Variants in DSP observed in about 807,000 individuals in gnomAD.
DSP encodes 250/210 kDa paraneoplastic pemphigus antigen.
A neutral mutation model predicts 290.6 loss-of-function variants in DSP; 114 were observed. The observed-to-expected ratio is 0.39, with a 90% CI of 0.34 to 0.46. The LOEUF (loss-of-function observed/expected upper bound fraction) is 0.46, where lower values mean the gene tolerates loss of function less well. Among genes scored for constraint, DSP ranks in the 20% least tolerant of loss-of-function variants. The pLI is 0.99. For missense variants in DSP, 3,230 were observed against 3,495.8 expected (o/e 0.92, Z 1.92); for synonymous variants, 1,311 against 1,316.4 (o/e 1.00, Z 0.09).
At chr6:7,575,569 C>G in intron 18 of DSP, 81 bp downstream of exon 18, 6 of 1,550,592 alleles carry the variant, frequency 3.9e-6, no homozygotes, top group Admixed American at 1.7e-5. Flanking sequence ...AAGGGAACCA[C>G]TGAAGAAAAC....
chr6:7,569,239 C>G lies in DSP; in HGVS notation c.1473C>G (p.Ser491Arg). 2 of 1,614,170 alleles carry G rather than the reference C, an allele frequency of 1.2e-6. No individual in the cohort carries two copies. The highest frequency in any genetic ancestry group is 1.7e-6 in the Non-Finnish European group (2 of 1,180,034). The change falls in exon 12 of 24, where the codon AGC becomes AGG. Residue 491 changes from serine to arginine, a missense_variant. By Grantham distance (110) the Ser-to-Arg change is moderately radical (BLOSUM62 -1). Around this residue, in one of 5 missense-constraint regions of DSP, gnomAD observed 646 missense variants for 684.3 expected, o/e 0.94. Transcript: ENST00000379802. ...ECILKDNNER[S>R]KWYVTGPGGV... is the part of the protein sequence containing the mutation. ...TCCTGAAGGACAACAACGAGCGCAG[C>G]AAGTGGTACGTGACGGGCCCGGGAG...
At position 7,585,529 on chromosome 6, in the gene DSP, T is replaced by A; in HGVS notation, c.8267T>A (p.Ile2756Lys). ...GAAGAAGCCATCCGGAAGGGGTTCATAGATGGCCGCGCCGCACAGAGGCTG... is the reference window on the plus strand; with the variant it reads ...GAAGAAGCCATCCGGAAGGGGTTCAAAGATGGCCGCGCCGCACAGAGGCTG... The part of the protein sequence containing the change: ...STEEAIRKGF[I>K]DGRAAQRLQD... Residue 2756 changes from isoleucine to lysine, a missense_variant, in exon 24 of 24, where the codon ATA becomes AAA. Ile to Lys is a moderately radical substitution (Grantham distance 102). Around this residue, in one of 5 missense-constraint regions of DSP, gnomAD observed 582 missense variants for 555.4 expected, o/e 1.05. Coordinates refer to ENST00000379802, the MANE Select transcript of DSP (RefSeq NM_004415.4). The A allele has an allele frequency of 6.2e-7, 1 of 1,614,158 alleles. No individual in the cohort carries two copies. The highest frequency in any genetic ancestry group is 8.5e-7 in the Non-Finnish European group (1 of 1,180,036).
At position 7,585,330 on chromosome 6, in the gene DSP, C is replaced by A. The variant is rs786204300; in HGVS notation, c.8068C>A (p.Pro2690Thr). The A allele has an allele frequency of 3.1e-6, 5 of 1,614,104 alleles. No individual in the cohort carries two copies. Among genetic ancestry groups the A allele is most frequent in the Non-Finnish European group, 4.2e-6 (5 of 1,180,026 alleles). The part of the protein sequence containing the change: ...IDQDMATRLK[P>T]AQKAFIGFEG... ...CCAAGACATGGCCACCAGGCTGAAG[C>A]CTGCTCAGAAAGCCTTCATAGGCTT... Residue 2690 changes from proline (P) to threonine (T), a missense_variant, in exon 24 of 24, where the codon CCT becomes ACT. Physicochemically the swap from Pro to Thr is conservative, Grantham distance 38. Transcript: ENST00000379802.
chr6:7,571,869 G>T lies in DSP; in HGVS notation c.1931G>T (p.Gly644Val). The T allele has an allele frequency of 6.2e-7, 1 of 1,613,376 alleles. No individual in the cohort carries two copies. The highest frequency in any genetic ancestry group is 8.5e-7 in the Non-Finnish European group (1 of 1,180,006). The change falls in exon 15 of 24, where the codon GGA (glycine) becomes GTA (valine). Residue 644 changes from glycine to valine, a missense_variant. Coordinates refer to ENST00000379802, the MANE Select transcript of DSP (RefSeq NM_004415.4). Reference protein sequence around the residue: ...TVTTTEITHHGTCQDVNHNKV... With the variant: ...TVTTTEITHHVTCQDVNHNKV... ...ACCACAACTGAAATCACTCATCATG[G>T]AACCTGCCAAGATGTCAACCATAAT...
In DSP at chr6:7,580,388, C is replaced by T. The variant is rs770873593; in HGVS notation, c.4198C>T (p.Arg1400Ter). Residue 1400 changes from arginine (R) to a stop codon, truncating the protein, a stop_gained, in exon 23 of 24, where the codon CGA (arginine) becomes TGA (stop). Coordinates refer to ENST00000379802, the MANE Select transcript of DSP (RefSeq NM_004415.4). LOFTEE classifies it high-confidence loss of function. This position sits in a 1 kb window ranked among gnomAD's most constrained non-coding sequence, Gnocchi z 4.2. ...CCGGGCTCAGATAGACAATCTCACC[C>T]GAGAAAACAGGAGCTTATCTGAAGA... The part of the protein sequence containing the change: ...GYRAQIDNLT[R>*]ENRSLSEEIK... 8 of 1,613,868 alleles carry T rather than the reference C, an allele frequency of 5.0e-6. No homozygotes were observed. Among genetic ancestry groups the T allele is most frequent in the African/African-American group, 2.7e-5 (2 of 74,864 alleles).
chr6:7,579,145 C>T lies in DSP; in HGVS notation c.3085-130C>T, dbSNP rs1759335029. The T allele has an allele frequency of 7.6e-7, 1 of 1,310,008 alleles. No individual in the cohort carries two copies. The highest frequency in any genetic ancestry group is 1.5e-5 in the African/African-American group (1 of 67,720). 81.1% of individuals were successfully genotyped at this position (1,310,008 alleles called of 1,614,324 possible). A position where few individuals can be genotyped will look rare whatever the true frequency, so the allele number is the denominator to read the frequency against. ...TTTCTTGAATATTTGCCTAGTCACT[C>T]TTTGCATGTATGTCCATGTGTGTAA... On this transcript the variant is annotated intron_variant, in intron 22 of 23. Coordinates refer to ENST00000379802, the MANE Select transcript of DSP (RefSeq NM_004415.4). The surrounding 1 kb of genome is among the most constrained non-coding windows in gnomAD (Gnocchi z 4.1).
chr6:7,568,150 C>T (rs1407267033), intron 10 of DSP, among the ~76,000 whole-genome samples: 1 of 152,226 alleles, frequency 6.6e-6, no homozygotes, highest in African/African-American at 2.4e-5. Context: ...GAGAACATTA[C>T]TTCACATGAC....
intron 1 of DSP, 51 bp from the exon 2 acceptor site, chr6:7,555,667 G>A: frequency 6.5e-7 from 1 of 1,545,508 alleles, no homozygotes; most frequent in Non-Finnish European, 8.9e-7. Context: ...AATTATTTCA[G>A]AATTGAAATA....
Position 7,581,506 on chromosome 6 carries a change from T to C in DSP, c.5316T>C (p.Asp1772=), listed in dbSNP as rs376186141. ...TGGAACTGCAGGGGCTGATTAATGA[T>C]TTACAGAGAGAGAGGGAAAATTTGA... The part of the protein sequence containing the change: ...RTLELQGLIN[D]LQRERENLRQ... The change falls in exon 23 of 24, where the codon GAT becomes GAC. Residue 1772 remains aspartate, a synonymous_variant. Coordinates refer to ENST00000379802, the MANE Select transcript of DSP (RefSeq NM_004415.4). The C allele has an allele frequency of 2.1e-4, 346 of 1,613,946 alleles. No homozygotes were observed. The highest frequency in any genetic ancestry group is 2.8e-4 in the Non-Finnish European group (326 of 1,180,016).
At chr6:7,548,851 T>G (rs1458658941) in intron 1 of DSP, among the ~76,000 whole-genome samples, 1 of 152,224 alleles carries the variant, frequency 6.6e-6, no homozygotes, top group Non-Finnish European at 1.5e-5. Flanking sequence ...GTCTTTTGTT[T>G]GCCTTTGTTT....
intron 15 of DSP, among the ~76,000 whole-genome samples, chr6:7,573,564 C>T (rs1339759183): frequency 5.4e-5 from 8 of 149,202 alleles, no homozygotes; most frequent in East Asian, 3.9e-4. Flanking sequence ...GGCGACAGAG[C>T]GAGACTCTGT....
intron 1 of DSP, among the ~76,000 whole-genome samples, chr6:7,544,100 C>T (rs1456427691): frequency 6.6e-6 from 1 of 152,154 alleles, no homozygotes; most frequent in Non-Finnish European, 1.5e-5. Flanking sequence ...TAATGTTGCT[C>T]TGCCCGGCAG....
At chr6:7,571,691 G>A in intron 14 of DSP, 107 bp downstream of exon 14, 9 of 1,508,390 alleles carry the variant, frequency 6.0e-6, no homozygotes, top group Non-Finnish European at 8.3e-6. Flanking sequence ...ATGCTATATA[G>A]CCAGTGTTCT....
Position 7,565,017 on chromosome 6 carries a change from G to T in DSP, c.778-342G>T, listed in dbSNP as rs900929403. ...AAATTAGCAGGACGTGGTGGTGCAT[G>T]TCTGTAATCCCACCTACTCGGGAAG... On this transcript the variant is annotated intron_variant, in intron 6 of 23. Transcript: ENST00000379802. This position sits in a 1 kb window ranked among gnomAD's most constrained non-coding sequence, Gnocchi z 4.2. 2.0e-5 allele frequency among the ~76,000 whole-genome samples: 3 copies of T among 152,122 alleles called. No individual in the cohort carries two copies. The highest frequency in any genetic ancestry group is 6.5e-5 in the Admixed American group (1 of 15,276).
rs969462343 is a variant in DSP, at chr6:7,574,189, A to G, written c.2234A>G (p.Glu745Gly). 6.8e-6 allele frequency: 11 copies of G among 1,613,954 alleles called. No homozygotes were observed. The highest frequency in any genetic ancestry group is 9.3e-6 in the Non-Finnish European group (11 of 1,179,944). ...GSEKYCYLQN[E>G]VFGLFQKLEN... Reference sequence around the variant, plus strand: ...GAAAAGTACTGCTATTTACAGAATGAAGTATTTGGACTATTTCAGAAACTG... The same window carrying G: ...GAAAAGTACTGCTATTTACAGAATGGAGTATTTGGACTATTTCAGAAACTG... Residue 745 changes from glutamate to glycine, a missense_variant, in exon 16 of 24, where the codon GAA (glutamate) becomes GGA (glycine). By Grantham distance (98) the Glu-to-Gly change is moderately conservative. Around this residue, in one of 5 missense-constraint regions of DSP, gnomAD observed 1,714 missense variants for 1,844.5 expected, o/e 0.93. Coordinates refer to ENST00000379802, the MANE Select transcript of DSP (RefSeq NM_004415.4).
rs924968705 is a variant in DSP at position 7,559,481 on chromosome 6, CAA to C, written c.597+83_597+84del. On this transcript the variant is annotated intron_variant, in intron 4 of 23. Coordinates refer to ENST00000379802, the MANE Select transcript of DSP (RefSeq NM_004415.4). ...GGGGTCAGCCCATGTGTTTGTGTGA[CAA>C]AGAGTCTTCTAGACCTCAGGTGGCG... 17 of 1,578,840 alleles carry C rather than the reference CAA, an allele frequency of 1.1e-5. No homozygotes were observed. In the East Asian group the frequency reaches 2.7e-4, roughly 25 times the overall value.
rs2113705210 is a variant in DSP at position 7,585,723 on chromosome 6, TCGGCTCCGGGGTCCCGCTC to T, written c.8469_8487del (p.Gly2824AlafsTer53). The T allele has an allele frequency of 6.2e-7, 1 of 1,612,632 alleles. No individual in the cohort carries two copies. Among genetic ancestry groups the T allele is most frequent in the Non-Finnish European group, 8.5e-7 (1 of 1,179,274 alleles). On this transcript the variant is annotated frameshift_variant, in exon 24 of 24. Transcript: ENST00000379802. LOFTEE classifies it high-confidence loss of function. ...CTTACCCAGCCCTTACAACATGTCT[TCGGCTCCGGGGTCCCGCTC>T]CGGCTCCCGCTCGGGATCTCGCTCC... is the stretch of plus-strand genomic sequence containing the variant.
rs141078292 is a variant in DSP, at chr6:7,585,435, C to T, written c.8173C>T (p.Arg2725Cys). The T allele has an allele frequency of 2.2e-5, 36 of 1,614,014 alleles. 1 individual carries two copies. In the African/African-American group the frequency reaches 3.7e-4, roughly 17 times the overall value. Residue 2725 changes from arginine (R) to cysteine (C), a missense_variant, in exon 24 of 24, where the codon CGC (arginine) becomes TGC (cysteine). By Grantham distance (180) the Arg-to-Cys change is radical. Transcript: ENST00000379802. The stretch of plus-strand genomic sequence containing the variant: ...ATGGCTCCCGTATGAGGCTGGCCAG[C>T]GCTTCCTGGAGTTCCAGTACCTCAC... The part of the protein sequence containing the change: ...EKWLPYEAGQ[R>C]FLEFQYLTGG...
In DSP at chr6:7,585,542, C is replaced by G. The variant is rs1203424345; in HGVS notation, c.8280C>G (p.Ala2760=). The G allele has an allele frequency of 2.5e-6, 4 of 1,614,126 alleles. No homozygotes were observed. The East Asian group carries it at 8.9e-5, about 36-fold the overall frequency. The change falls in exon 24 of 24, where the codon GCC becomes GCG. Residue 2760 remains alanine (A), a synonymous_variant. Transcript: ENST00000379802. ...AIRKGFIDGR[A]AQRLQDTSSY... ...GGAAGGGGTTCATAGATGGCCGCGCCGCACAGAGGCTGCAAGACACCAGCA... is the reference window on the plus strand; with the variant it reads ...GGAAGGGGTTCATAGATGGCCGCGCGGCACAGAGGCTGCAAGACACCAGCA...
Sources: gnomAD v4.1 joint callset for allele counts (sites outside exome capture counted in the v4.1 genomes callset) on GRCh38, gnomAD v4.1.1 for gene constraint, gnomAD v4.1.1 regional missense constraint, Gnocchi (gnomAD v3.1) non-coding constraint, MANE v1.5 for transcripts, NCBI Gene and HGNC (gene_info 2026-07-23, HGNC 2026-07-21) for gene names.